The following NXN variants were observed in gnomAD, a reference collection of about 807,000 sequenced individuals.
The protein encoded by NXN is nucleoredoxin 1.
In NXN, 16 loss-of-function variants were observed where a neutral mutation model predicts 48.6. That is an observed-to-expected ratio of 0.33 (90% CI 0.22 to 0.50). The LOEUF (loss-of-function observed/expected upper bound fraction) is 0.50, where lower values mean the gene tolerates loss of function less well. NXN is among the 20% of genes least tolerant of loss of function. The pLI is 0.98. For missense variants in NXN, 492 were observed against 605.5 expected, an observed-to-expected ratio of 0.81 and a Z score of 1.97; for synonymous variants, 281 against 269.6, an observed-to-expected ratio of 1.04 and a Z score of -0.41.
chr17:885,118 G>A (rs2068328809), intron 1 of NXN, among the ~76,000 whole-genome samples: 1 of 152,228 alleles, frequency 6.6e-6, no homozygotes, highest in Non-Finnish European at 1.5e-5. Flanking sequence ...GTCTCATTCA[G>A]GCTGACATGT....
At chr17:903,291 C>T (rs1284060548) in intron 1 of NXN, among the ~76,000 whole-genome samples, 4 of 151,012 alleles carry the variant, frequency 2.6e-5, no homozygotes, top group African/African-American at 7.3e-5. Context: ...CTGCAACCTC[C>T]TCTTCCAGTG....
chr17:976,932 A>G (rs1176506146), intron 1 of NXN, among the ~76,000 whole-genome samples: 2 of 151,950 alleles, frequency 1.3e-5, no homozygotes, highest in Non-Finnish European at 2.9e-5. Flanking sequence ...AGGTCTGGCT[A>G]ATTTTGTATT....
chr17:933,445 G>C (rs985373445), intron 1 of NXN: 5 of 152,088 alleles, frequency 3.3e-5, no homozygotes, highest in Middle Eastern at 3.2e-3. Context: ...GGAAGAACTG[G>C]TTTTCTAATA....
chr17:930,288 AG>A (rs2150596052), intron 1 of NXN: 1 of 152,248 alleles, frequency 6.6e-6, no homozygotes, highest in Admixed American at 6.5e-5. Flanking sequence ...TACAAAAATT[AG>A]CCAGTGTGAT....
intron 1 of NXN, among the ~76,000 whole-genome samples, chr17:951,863 AC>A (rs778707477): frequency 2.6e-5 from 4 of 152,002 alleles, no homozygotes; most frequent in Non-Finnish European, 5.9e-5. Context: ...AGCTCGGCAC[AC>A]TCAGTAGACG....
rs1486564657 is a variant in NXN, at chr17:825,076, A to G, written c.478+885T>C. 6.6e-6 allele frequency among the ~76,000 whole-genome samples: 1 copy of G among 152,074 alleles called. No homozygotes were observed. On this transcript the variant is annotated intron_variant, in intron 2 of 7. Transcript: ENST00000336868. This position sits in a 1 kb window ranked among gnomAD's most constrained non-coding sequence, Gnocchi z 4.1. ...GGGAGACCCCGTCTCTACAAATAAT[A>G]AAAAATTAGCTGGGTGTGGCGGTGC...
At position 808,261 on chromosome 17, in the gene NXN, C is replaced by T. The variant is rs367880710; in HGVS notation, c.821-3014G>A. The stretch of plus-strand genomic sequence containing the variant: ...ATTTCCCTTTCTCCCCCTTCACACA[C>T]GCCCTGTTCCCCCAGCCCTTGAAGC... On this transcript the variant is annotated intron_variant, in intron 5 of 7. Coordinates refer to ENST00000336868, the MANE Select transcript of NXN (RefSeq NM_022463.5). 2.2e-4 allele frequency among the ~76,000 whole-genome samples: 34 copies of T among 152,164 alleles called. No individual in the cohort carries two copies. In the South Asian group the frequency reaches 3.9e-3, roughly 18 times the overall value.
intron 1 of NXN, among the ~76,000 whole-genome samples, chr17:913,739 T>C (rs1366935155): frequency 6.6e-6 from 1 of 152,090 alleles, no homozygotes; most frequent in African/African-American, 2.4e-5. Flanking sequence ...CTCTTTCTTA[T>C]CCTTGTAGTA....
At chr17:806,925 C>T (rs1301726113) in intron 5 of NXN, among the ~76,000 whole-genome samples, 3 of 112,800 alleles carry the variant, frequency 2.7e-5, no homozygotes, top group African/African-American at 1.9e-4. Context: ...CTCACATACA[C>T]ACACACACAC....
rs978055175 is a variant in NXN at position 917,802 on chromosome 17, G to A, written c.360+61517C>T. On this transcript the variant is annotated intron_variant, in intron 1 of 7. Coordinates refer to ENST00000336868, the MANE Select transcript of NXN (RefSeq NM_022463.5). This position sits in a 1 kb window ranked among gnomAD's most constrained non-coding sequence, Gnocchi z 4.5. The stretch of plus-strand genomic sequence containing the variant: ...TCCCCAGGAAGGCCTCGCAGAGGTG[G>A]GGACAAGGGCGGATGGGAAAGGGGA... Among the ~76,000 whole-genome samples, 1 of 152,186 alleles carries A rather than the reference G, an allele frequency of 6.6e-6. No individual in the cohort carries two copies. The highest frequency in any genetic ancestry group is 1.5e-5 in the Non-Finnish European group (1 of 68,040).
chr17:839,766 G>C (rs1014438803), intron 1 of NXN, among the ~76,000 whole-genome samples: 1 of 137,904 alleles, frequency 7.3e-6, no homozygotes, highest in Non-Finnish European at 1.5e-5. Context: ...TGGTGCCACT[G>C]CACTCCAGCC....
intron 1 of NXN, among the ~76,000 whole-genome samples, chr17:843,481 C>T (rs191653824): frequency 1.2e-4 from 18 of 152,362 alleles, no homozygotes; most frequent in Admixed American, 1.1e-3. Context: ...CCTAAAGCCC[C>T]ATCTGGTATG....
chr17:829,140 C>T (rs1330137031), intron 1 of NXN, among the ~76,000 whole-genome samples: 8 of 128,966 alleles, frequency 6.2e-5, no homozygotes, highest in Non-Finnish European at 1.2e-4. Flanking sequence ...GTTGCTTATC[C>T]TTTTTTTTTT....
chr17:957,393 G>T (rs747440600), intron 1 of NXN, among the ~76,000 whole-genome samples: 2 of 151,844 alleles, frequency 1.3e-5, no homozygotes, highest in African/African-American at 2.4e-5. Flanking sequence ...CAGCACTTTG[G>T]GAGGCCAAAG....
At chr17:802,477 C>A (rs1247021324) in intron 7 of NXN, among the ~76,000 whole-genome samples, 1 of 152,216 alleles carries the variant, frequency 6.6e-6, no homozygotes, top group East Asian at 1.9e-4. Context: ...CGGCTCTGTG[C>A]CTGGCGTACA....
Position 979,699 on chromosome 17 carries a change from G to A in NXN, c.-21C>T, listed in dbSNP as rs2069515694. ...GACATCCTGGCCCACCGCAGGGCGG[G>A]CAGGCGGCTGCGACCCCGCTCCACG... On this transcript the variant is annotated 5_prime_UTR_variant, in exon 1 of 8. Coordinates refer to ENST00000336868, the MANE Select transcript of NXN (RefSeq NM_022463.5). The A allele has an allele frequency of 2.9e-6, 4 of 1,386,298 alleles. No individual in the cohort carries two copies. The highest frequency in any genetic ancestry group is 3.7e-6 in the Non-Finnish European group (4 of 1,068,254). 85.9% of individuals were successfully genotyped at this position (1,386,298 alleles called of 1,614,324 possible). A position where few individuals can be genotyped will look rare whatever the true frequency, so the allele number is the denominator to read the frequency against.
At chr17:967,959 G>A (rs1001367115) in intron 1 of NXN, among the ~76,000 whole-genome samples, 8 of 150,930 alleles carry the variant, frequency 5.3e-5, no homozygotes, top group Non-Finnish European at 8.8e-5. Context: ...GCGACAGAGC[G>A]AGACTCCGTC....
At chr17:880,045 G>A (rs750558256) in intron 1 of NXN, 1 of 152,116 alleles carries the variant, frequency 6.6e-6, no homozygotes, top group Non-Finnish European at 1.5e-5. Flanking sequence ...ATCTTCTGAT[G>A]TATCAAGTTT....
chr17:859,188 C>T (rs1237539758), intron 1 of NXN, among the ~76,000 whole-genome samples: 1 of 152,170 alleles, frequency 6.6e-6, no homozygotes, highest in Admixed American at 6.5e-5. Context: ...GAAAATGAGG[C>T]CTTCTCAGTC....
Sources: gnomAD v4.1 joint callset for allele counts (sites outside exome capture counted in the v4.1 genomes callset) on GRCh38, gnomAD v4.1.1 for gene constraint, Gnocchi (gnomAD v3.1) non-coding constraint, MANE v1.5 for transcripts, NCBI Gene and HGNC (gene_info 2026-07-23, HGNC 2026-07-21) for gene names.